Variants in MYO5B observed in about 807,000 individuals in gnomAD.
MYO5B encodes myosin VB, also known as unconventional myosin-Vb.
In MYO5B, 143 loss-of-function variants were observed where a neutral mutation model predicts 229.3. The observed-to-expected ratio is 0.62, with a 90% CI of 0.54 to 0.72. MYO5B has a LOEUF of 0.72. MYO5B is among the 30% of genes least tolerant of loss of function. The probability of loss-of-function intolerance (pLI) is 0.00; values close to 1 mark genes in which losing one functional copy is unlikely to be tolerated. For synonymous variants in MYO5B, 918 were observed against 885.2 expected, an observed-to-expected ratio of 1.04 and a Z score of -0.66; for missense variants, 2,321 against 2,331.0, an observed-to-expected ratio of 1.00 and a Z score of 0.09.
At chr18:49,949,331 G>GA (rs11420664) in intron 14 of MYO5B, among the ~76,000 whole-genome samples, 20,227 of 94,840 alleles carry the variant, frequency 0.21, 1,434 homozygotes, top group African/African-American at 0.35. Context: ...TGGAAAACTG[G>GA]AAAAAAAAAA....
intron 27 of MYO5B, among the ~76,000 whole-genome samples, chr18:49,867,866 A>G (rs969007021): frequency 6.6e-6 from 1 of 152,224 alleles, no homozygotes; most frequent in Non-Finnish European, 1.5e-5. Context: ...ACAGTAATGG[A>G]TACAGCTTGT....
At chr18:49,882,411 C>T (rs930986588) in intron 22 of MYO5B, among the ~76,000 whole-genome samples, 4 of 151,738 alleles carry the variant, frequency 2.6e-5, no homozygotes, top group South Asian at 2.1e-4. Flanking sequence ...GGGCAGATAA[C>T]GAGGTCAGGA....
intron 5 of MYO5B, among the ~76,000 whole-genome samples, chr18:49,997,146 T>C (rs927319045): frequency 1.3e-5 from 2 of 151,742 alleles, no homozygotes; most frequent in African/African-American, 2.4e-5. Flanking sequence ...GCACGTCTAG[T>C]AGTCCCAGCT....
intron 18 of MYO5B, among the ~76,000 whole-genome samples, chr18:49,911,162 C>T (rs369790617): frequency 6.6e-6 from 1 of 152,210 alleles, no homozygotes; most frequent in Admixed American, 6.5e-5. Flanking sequence ...TAGGCCTGGG[C>T]TCCACATCAG....
rs527250154 is a variant in MYO5B, at chr18:50,156,874, C to T, written c.27+37893G>A. The stretch of plus-strand genomic sequence containing the variant: ...CCATCATTTCGACCTTCAATGTACA[C>T]ATGAAATCCATTCAACTTTATCCAA... On this transcript the variant is annotated intron_variant, in intron 1 of 39. Transcript: ENST00000285039. 2.0e-5 allele frequency among the ~76,000 whole-genome samples: 3 copies of T among 152,322 alleles called. No individual in the cohort carries two copies. In the South Asian group the frequency reaches 6.2e-4, roughly 32 times the overall value.
intron 17 of MYO5B, among the ~76,000 whole-genome samples, chr18:49,916,221 A>G (rs1410329762): frequency 6.6e-6 from 1 of 152,254 alleles, no homozygotes; most frequent in Non-Finnish European, 1.5e-5. Flanking sequence ...AAATGCTTCT[A>G]ATTTGAAAAC....
intron 22 of MYO5B, among the ~76,000 whole-genome samples, chr18:49,893,375 T>C (rs1339336941): frequency 1.3e-5 from 2 of 152,222 alleles, no homozygotes; most frequent in Non-Finnish European, 2.9e-5. Flanking sequence ...CTTCTGGTTT[T>C]TATTCATGTA....
chr18:49,913,780 T>C (rs2024983418), intron 17 of MYO5B, among the ~76,000 whole-genome samples: 1 of 151,272 alleles, frequency 6.6e-6, no homozygotes, highest in Non-Finnish European at 1.5e-5. Context: ...CCATATAAAC[T>C]CCAAACCCCA....
chr18:50,130,292 T>G (rs1375473660), intron 1 of MYO5B, among the ~76,000 whole-genome samples: 4 of 152,198 alleles, frequency 2.6e-5, no homozygotes, highest in African/African-American at 9.7e-5. Context: ...TCATTATCGA[T>G]TAGCCAGCAG....
At chr18:50,061,473 G>A (rs933576159) in intron 1 of MYO5B, among the ~76,000 whole-genome samples, 3 of 152,098 alleles carry the variant, frequency 2.0e-5, no homozygotes, top group Non-Finnish European at 4.4e-5. Flanking sequence ...CATGTTACTG[G>A]GATCCTTTAG....
rs1041959038 is a variant in MYO5B at position 50,194,854 on chromosome 18, G to T, written c.-61C>A. The T allele has an allele frequency of 1.6e-6, 2 of 1,253,136 alleles. No homozygotes were observed. Among genetic ancestry groups the T allele is most frequent in the Non-Finnish European group, 2.0e-6 (2 of 1,003,564 alleles). The allele number at this position is 1,253,136 out of a possible 1,614,324, so 77.6% of individuals were successfully genotyped here. ...GGCTGCCCCGCGGCTCTCAGTCCGC[G>T]GCTGGCCCGCCTGGCGCCATGTTCC... On this transcript the variant is annotated 5_prime_UTR_variant, in exon 1 of 40. Transcript: ENST00000285039.
chr18:50,043,211 T>C (rs924102108), intron 2 of MYO5B, among the ~76,000 whole-genome samples: 1 of 143,284 alleles, frequency 7.0e-6, no homozygotes, highest in Non-Finnish European at 1.5e-5. Flanking sequence ...GATAAAGAAA[T>C]TGTGGTGTGT....
Position 50,069,253 on chromosome 18 carries a change from ACTAT to A in MYO5B, c.28-13879_28-13876del, listed in dbSNP as rs970405773. On this transcript the variant is annotated intron_variant, in intron 1 of 39. Coordinates refer to ENST00000285039, the MANE Select transcript of MYO5B (RefSeq NM_001080467.3). Reference sequence around the variant, plus strand: ...GCCATTCCCTCTCCTGCTATTATCTACTATCTGTCTGTGTTTAACAGAGAACCTT... The same window carrying A: ...GCCATTCCCTCTCCTGCTATTATCTACTGTCTGTGTTTAACAGAGAACCTT... Among the ~76,000 whole-genome samples the A allele has an allele frequency of 4.6e-5, 7 of 152,184 alleles. No individual in the cohort carries two copies. In the East Asian group the frequency reaches 7.7e-4, roughly 17 times the overall value.
At chr18:49,859,336 T>C (rs933057731) in intron 29 of MYO5B, among the ~76,000 whole-genome samples, 1 of 152,232 alleles carries the variant, frequency 6.6e-6, no homozygotes, top group African/African-American at 2.4e-5. Flanking sequence ...GGATAATATT[T>C]ACTTGGCCTC....
chr18:49,946,184 A>T (rs2025371178), intron 14 of MYO5B: 1 of 152,108 alleles, frequency 6.6e-6, no homozygotes, highest in African/African-American at 2.4e-5. Context: ...GTTATTCAAA[A>T]TTTGAGAATT....
intron 27 of MYO5B, among the ~76,000 whole-genome samples, chr18:49,871,851 G>A (rs2024459446): frequency 6.6e-6 from 1 of 152,222 alleles, no homozygotes; most frequent in Admixed American, 6.5e-5. Flanking sequence ...TGCCAGCAGA[G>A]GACACACTGG....
Position 50,194,870 on chromosome 18 carries a change from G to T in MYO5B, c.-77C>A, listed in dbSNP as rs901598230. 8.1e-7 allele frequency: 1 copy of T among 1,240,096 alleles called. No homozygotes were observed. The highest frequency in any genetic ancestry group is 1.0e-6 in the Non-Finnish European group (1 of 994,180). The allele number at this position is 1,240,096 out of a possible 1,614,324, so 76.8% of individuals were successfully genotyped here. A position where few individuals can be genotyped will look rare whatever the true frequency, so the allele number is the denominator to read the frequency against. On this transcript the variant is annotated 5_prime_UTR_variant, in exon 1 of 40. Transcript: ENST00000285039. ...TCAGTCCGCGGCTGGCCCGCCTGGC[G>T]CCATGTTCCCGGGCTGGCCTGGAGT...
At chr18:50,112,355 T>C (rs990959577) in intron 1 of MYO5B, among the ~76,000 whole-genome samples, 41 of 151,962 alleles carry the variant, frequency 2.7e-4, no homozygotes, top group African/African-American at 9.7e-4. Flanking sequence ...AAATATGGAA[T>C]CCTCCGTACC....
At chr18:49,865,550 C>T (rs1488097313) in intron 27 of MYO5B, among the ~76,000 whole-genome samples, 1 of 152,194 alleles carries the variant, frequency 6.6e-6, no homozygotes, top group Non-Finnish European at 1.5e-5. Flanking sequence ...GCCAGTGTCA[C>T]ATGCTAGAGG....
Sources: allele counts gnomAD v4.1 joint callset (sites outside exome capture counted in the v4.1 genomes callset), GRCh38; gene constraint gnomAD v4.1.1; transcripts MANE v1.5; gene names NCBI Gene and HGNC (gene_info 2026-07-23, HGNC 2026-07-21).